MATR3: variants seen among roughly 807,000 people sequenced by gnomAD.
MATR3 encodes the protein matrin-3.
A neutral mutation model predicts 85.5 loss-of-function variants in MATR3; 4 were observed. The observed-to-expected ratio is 0.05, with a 90% confidence interval of 0.02 to 0.11. The LOEUF is 0.11. Ranked by LOEUF, MATR3 falls within the 10% of genes least tolerant of loss-of-function variation. The probability of loss-of-function intolerance (pLI) is 1.00; values close to 1 mark genes in which losing one functional copy is unlikely to be tolerated. For missense variants in MATR3, 685 were observed against 1,016.1 expected (o/e 0.67, Z 4.43); for synonymous variants, 336 against 343.1 (o/e 0.98, Z 0.23).
intron 8 of MATR3, 60 bp from the exon 9 acceptor site, chr5:139,319,274 T>G: frequency 6.6e-7 from 1 of 1,523,040 alleles, no homozygotes. Context: ...CTAGGATGTT[T>G]TTAACTGTTA....
rs1756115555 is a variant in MATR3 at position 139,330,964 on chromosome 5, G to GT, written c.*1576dup. 2 of 453,798 alleles carry GT rather than the reference G, an allele frequency of 4.4e-6. No individual in the cohort carries two copies. Among genetic ancestry groups the GT allele is most frequent in the Non-Finnish European group, 8.8e-6 (2 of 226,766 alleles). 28.1% of individuals were successfully genotyped at this position (453,798 alleles called of 1,614,324 possible). The stretch of plus-strand genomic sequence containing the variant: ...TGCCACTATACCTGGCTAGTTTTTG[G>GT]TTTTTTTGTATAGATGGGGCTTTGC... On this transcript the variant is annotated 3_prime_UTR_variant, in exon 15 of 15. Coordinates refer to ENST00000394805, the MANE Select transcript of MATR3 (RefSeq NM_018834.6).
intron 9 of MATR3, among the ~76,000 whole-genome samples, chr5:139,320,262 TTG>T (rs998962309): frequency 2.6e-4 from 39 of 152,008 alleles, no homozygotes; most frequent in African/African-American, 8.0e-4. Flanking sequence ...TGACTCGAGA[TTG>T]TGCCACTGCA....
upstream of MATR3, among the ~76,000 whole-genome samples, chr5:139,289,224 G>A (rs749967391): frequency 3.7e-4 from 57 of 152,186 alleles, no homozygotes; most frequent in Non-Finnish European, 7.8e-4. Context: ...ACATACAGAT[G>A]TAAGATTGCA....
At chr5:139,319,280 T>C (rs1755417000) in intron 8 of MATR3, 54 bp from the exon 9 acceptor site, 1 of 1,530,798 alleles carries the variant, frequency 6.5e-7, no homozygotes, top group African/African-American at 1.4e-5. Flanking sequence ...TGTTTTTAAC[T>C]GTTAACTAAT....
intron 14 of MATR3, among the ~76,000 whole-genome samples, chr5:139,328,360 G>A (rs1382554011): frequency 2.0e-5 from 3 of 152,052 alleles, no homozygotes; most frequent in Non-Finnish European, 4.4e-5. Flanking sequence ...ACTATATAAA[G>A]TTGAAATTCC....
intron 3 of MATR3, among the ~76,000 whole-genome samples, chr5:139,280,925 A>C (rs1430078140): frequency 6.6e-6 from 1 of 152,234 alleles, no homozygotes; most frequent in East Asian, 1.9e-4. Context: ...CCTACTTGAT[A>C]AATAAAGTTA....
rs1755810578 is a variant in MATR3, at chr5:139,325,535, T to C, written c.2244T>C (p.Ser748=). The change falls in exon 13 of 15, where the codon TCT becomes TCC. Residue 748 remains serine (S), a synonymous_variant. Coordinates refer to ENST00000394805, the MANE Select transcript of MATR3 (RefSeq NM_018834.6). ...ACACAGAACCAGGTGCTGAATCTTC[T>C]GAGAACGCTGATGATCCCAACAAAG... ...EENTEPGAES[S]ENADDPNKDT... 6.2e-7 allele frequency: 1 copy of C among 1,614,074 alleles called. No individual in the cohort carries two copies. The highest frequency in any genetic ancestry group is 1.7e-5 in the Admixed American group (1 of 59,996).
chr5:139,316,438 G>A lies in MATR3; in HGVS notation c.1129+250G>A, dbSNP rs539853467. On this transcript the variant is annotated intron_variant, in intron 5 of 14. Transcript: ENST00000394805. ...TTTTCGTATTTTTAGTAGAGACGGGGTTTCACCGCGTTGGCCAGACTAGTC... is the reference window on the plus strand; with the variant it reads ...TTTTCGTATTTTTAGTAGAGACGGGATTTCACCGCGTTGGCCAGACTAGTC... Among the ~76,000 whole-genome samples the A allele has an allele frequency of 2.0e-5, 3 of 152,132 alleles. No individual in the cohort carries two copies. The East Asian group carries it at 5.8e-4, about 29-fold the overall frequency.
intron 1 of MATR3, among the ~76,000 whole-genome samples, chr5:139,298,893 A>G (rs952189711): frequency 6.6e-6 from 1 of 152,246 alleles, no homozygotes; most frequent in Non-Finnish European, 1.5e-5. Flanking sequence ...ACATGTGCAT[A>G]CATAATGATA....
upstream of MATR3, among the ~76,000 whole-genome samples, chr5:139,289,155 C>T (rs1208410739): frequency 6.6e-6 from 1 of 152,226 alleles, no homozygotes; most frequent in African/African-American, 2.4e-5. Context: ...AATGATTGGC[C>T]TCAAAGATGT....
rs1175972721 is a variant in MATR3, at chr5:139,320,743, C to CTTTTTT, written c.1603-1138_1603-1133dup. Among the ~76,000 whole-genome samples, 147 of 102,414 alleles carry CTTTTTT rather than the reference C, an allele frequency of 1.4e-3. 12 individuals carry two copies. The highest frequency in any genetic ancestry group is 6.5e-3 in the African/African-American group (135 of 20,712). 67.2% of individuals were successfully genotyped at this position (102,414 alleles called of 152,430 possible). A position where few individuals can be genotyped will look rare whatever the true frequency, so the allele number is the denominator to read the frequency against. ...CTATTTTAATATCTTAAGCTTATTACTTTTTTTTTTTTTTTTTTTTTTGAG... is the reference window on the plus strand; with the variant it reads ...CTATTTTAATATCTTAAGCTTATTACTTTTTTTTTTTTTTTTTTTTTTTTTTTTGAG... On this transcript the variant is annotated intron_variant, in intron 9 of 14. Coordinates refer to ENST00000394805, the MANE Select transcript of MATR3 (RefSeq NM_018834.6).
At chr5:139,282,150 G>A (rs980712648) in intron 3 of MATR3, among the ~76,000 whole-genome samples, 4 of 152,198 alleles carry the variant, frequency 2.6e-5, no homozygotes, top group African/African-American at 4.8e-5. Context: ...CTTAAAAAGA[G>A]TGACAATGAC....
At chr5:139,304,076 G>A (rs1182504901) in intron 1 of MATR3, among the ~76,000 whole-genome samples, 1 of 152,180 alleles carries the variant, frequency 6.6e-6, no homozygotes, top group African/African-American at 2.4e-5. Flanking sequence ...ACATAGGGAT[G>A]ATACTCAGAT....
Position 139,317,757 on chromosome 5 carries a change from A to T in MATR3, c.1308+36A>T, listed in dbSNP as rs897254073. 4.0e-6 allele frequency: 6 copies of T among 1,493,780 alleles called. No individual in the cohort carries two copies. In the African/African-American group the frequency reaches 6.9e-5, roughly 17 times the overall value. The allele number at this position is 1,493,780 out of a possible 1,614,324, so 92.5% of individuals were successfully genotyped here. On this transcript the variant is annotated intron_variant, in intron 7 of 14. Coordinates refer to ENST00000394805, the MANE Select transcript of MATR3 (RefSeq NM_018834.6). ...AAATATTGGTATTATTCATTTATTC[A>T]TGCCACTAATATATGTTCTGCAAGA... is the stretch of plus-strand genomic sequence containing the variant.
chr5:139,316,980 C>A, intron 5 of MATR3, 73 bp from the exon 6 acceptor site: 2 of 1,215,838 alleles, frequency 1.6e-6, no homozygotes, highest in Non-Finnish European at 2.4e-6. Flanking sequence ...GGAAGATGCA[C>A]GTTTTTCAGT....
chr5:139,296,162 A>G (rs1283279457), intron 1 of MATR3, among the ~76,000 whole-genome samples: 2 of 152,230 alleles, frequency 1.3e-5, no homozygotes, highest in African/African-American at 4.8e-5. Flanking sequence ...ATTTGCGTAT[A>G]TAAATTTAAT....
chr5:139,293,378 T>C (rs1313338312), upstream of MATR3: 3 of 152,140 alleles, frequency 2.0e-5, no homozygotes, highest in Non-Finnish European at 4.4e-5. Flanking sequence ...AGCATAAAAG[T>C]CGAGTCTAAG....
intron 2 of MATR3, among the ~76,000 whole-genome samples, chr5:139,308,611 A>G (rs1352207362): frequency 1.3e-5 from 2 of 152,168 alleles, no homozygotes; most frequent in East Asian, 3.8e-4. Context: ...TCATATATTT[A>G]AGCAGGTTTT....
rs1168607409 is a variant in MATR3 at position 139,307,487 on chromosome 5, A to G, written c.72A>G (p.Ala24=). ...SQGHGRDLSA[A]GIGLLAAATQ... is the part of the protein sequence containing the mutation. ...GTCATGGGCGTGACCTGTCTGCGGC[A>G]GGAATAGGCCTTCTTGCTGCTGCTA... is the stretch of plus-strand genomic sequence containing the variant. The change falls in exon 2 of 15, where the codon GCA becomes GCG. Residue 24 remains alanine (A), a synonymous_variant. Coordinates refer to ENST00000394805, the MANE Select transcript of MATR3 (RefSeq NM_018834.6). The surrounding 1 kb of genome is among the most constrained non-coding windows in gnomAD (Gnocchi z 4.4). 1.2e-6 allele frequency: 2 copies of G among 1,613,918 alleles called. No individual in the cohort carries two copies. The highest frequency in any genetic ancestry group is 1.7e-6 in the Non-Finnish European group (2 of 1,179,996).
Sources: allele counts gnomAD v4.1 joint callset (sites outside exome capture counted in the v4.1 genomes callset), GRCh38; gene constraint gnomAD v4.1.1; non-coding constraint Gnocchi (gnomAD v3.1); transcripts MANE v1.5; gene names NCBI Gene and HGNC (gene_info 2026-07-23, HGNC 2026-07-21).